Variants in SLC30A9 observed in about 807,000 individuals in gnomAD.
SLC30A9 encodes the protein proton-coupled zinc antiporter SLC30A9, mitochondrial.
SLC30A9 carries 58 observed loss-of-function variants against 87.5 expected under a neutral mutation model. The ratio of observed to expected loss-of-function variants is 0.66; its 90% confidence interval spans 0.54 to 0.82. SLC30A9 has a LOEUF of 0.82. Among genes scored for constraint, SLC30A9 ranks in the 40% least tolerant of loss-of-function variants. SLC30A9 has a pLI of 0.00. For missense variants in SLC30A9, 557 were observed against 679.1 expected, an observed-to-expected ratio of 0.82 and a Z score of 2.00; for synonymous variants, 234 against 233.0, an observed-to-expected ratio of 1.00 and a Z score of -0.04.
chr4:42,056,926 C>T (rs1392716217), intron 9 of SLC30A9, among the ~76,000 whole-genome samples: 1 of 152,144 alleles, frequency 6.6e-6, no homozygotes, highest in Non-Finnish European at 1.5e-5. Flanking sequence ...GGGCTACAGG[C>T]CCCATGCAAG....
chr4:42,061,730 TCTA>T (rs1351272737), intron 10 of SLC30A9, among the ~76,000 whole-genome samples: 1 of 151,046 alleles, frequency 6.6e-6, no homozygotes, highest in African/African-American at 2.4e-5. Flanking sequence ...AAACCCCATC[TCTA>T]CTGACAAAAC....
chr4:42,031,836 T>C (rs1716451492), intron 6 of SLC30A9, among the ~76,000 whole-genome samples: 1 of 152,262 alleles, frequency 6.6e-6, no homozygotes. Context: ...ACCTTCATCA[T>C]GTCCTTTATA....
At chr4:42,009,425 C>G (rs1715350044) in intron 2 of SLC30A9, among the ~76,000 whole-genome samples, 1 of 152,154 alleles carries the variant, frequency 6.6e-6, no homozygotes, top group Non-Finnish European at 1.5e-5. Flanking sequence ...GCTAAGGAAT[C>G]CTTAAGTTTT....
intron 1 of SLC30A9, among the ~76,000 whole-genome samples, chr4:41,991,367 TG>T (rs1277401256): frequency 8.5e-5 from 13 of 152,238 alleles, no homozygotes; most frequent in African/African-American, 3.1e-4. Context: ...AGGTGGCAGT[TG>T]TAGTGGTAAC....
At chr4:42,035,470 G>A (rs1340174757) in intron 7 of SLC30A9, 137 bp downstream of exon 7, 34 of 867,896 alleles carry the variant, frequency 3.9e-5, no homozygotes, top group Non-Finnish European at 5.5e-5. Flanking sequence ...CTGAATTATA[G>A]TCAATTCATT....
chr4:42,016,774 ATGT>A (rs1715739229), intron 2 of SLC30A9, among the ~76,000 whole-genome samples: 1 of 148,872 alleles, frequency 6.7e-6, no homozygotes, highest in Non-Finnish European at 1.5e-5. Flanking sequence ...GCTGTATGAA[ATGT>A]TGTGTGAATA....
intron 7 of SLC30A9, among the ~76,000 whole-genome samples, chr4:42,037,548 C>T (rs56952740): frequency 0.042 from 6,419 of 152,068 alleles, 180 homozygotes; most frequent in African/African-American, 0.058. Flanking sequence ...TGAAATGCAC[C>T]AATAATGCTT....
At chr4:42,037,265 TTTTTTTTTG>T (rs1716718567) in intron 7 of SLC30A9, among the ~76,000 whole-genome samples, 2 of 117,452 alleles carry the variant, frequency 1.7e-5, no homozygotes, top group Admixed American at 8.3e-5. Flanking sequence ...TTTTTTTTTT[TTTTTTTTTG>T]TTATTTCTGA....
intron 17 of SLC30A9, 72 bp downstream of exon 17, chr4:42,078,397 C>T (rs111917238): frequency 5.4e-6 from 4 of 744,100 alleles, no homozygotes; most frequent in Non-Finnish European, 7.0e-6. Context: ...CTACAGCAGA[C>T]ACTAAGTGCA....
intron 7 of SLC30A9, among the ~76,000 whole-genome samples, chr4:42,036,662 G>T (rs772803904): frequency 6.6e-6 from 1 of 152,190 alleles, no homozygotes. Context: ...TTAGACATTG[G>T]CAGTGATGAT....
intron 16 of SLC30A9, among the ~76,000 whole-genome samples, chr4:42,077,314 G>C (rs1718595591): frequency 6.6e-6 from 1 of 152,178 alleles, no homozygotes; most frequent in Non-Finnish European, 1.5e-5. Context: ...TCATTGACCA[G>C]TGGGATTTCC....
chr4:42,068,918 C>G (rs75326216), intron 14 of SLC30A9, among the ~76,000 whole-genome samples: 2,974 of 152,306 alleles, frequency 0.02, 103 homozygotes, highest in African/African-American at 0.068. Context: ...TTCTTCCATA[C>G]TTCTCTATTT....
intron 15 of SLC30A9, among the ~76,000 whole-genome samples, chr4:42,071,159 A>G (rs1362213176): frequency 6.6e-6 from 1 of 152,066 alleles, no homozygotes; most frequent in Admixed American, 6.5e-5. Context: ...TATAATCTTT[A>G]TCTTTTAAAT....
At chr4:41,999,285 T>G (rs1200458385) in intron 1 of SLC30A9, among the ~76,000 whole-genome samples, 1 of 152,218 alleles carries the variant, frequency 6.6e-6, no homozygotes, top group Non-Finnish European at 1.5e-5. Flanking sequence ...GAACTACTTT[T>G]CTGAATAACC....
In SLC30A9 at chr4:42,062,998, A is replaced by G; in HGVS notation, c.909A>G (p.Ser303=). 1 of 1,612,106 alleles carries G rather than the reference A, an allele frequency of 6.2e-7. No homozygotes were observed. The highest frequency in any genetic ancestry group is 8.5e-7 in the Non-Finnish European group (1 of 1,179,054). The change falls in exon 11 of 18, where the codon TCA becomes TCG. Residue 303 remains serine (S), a synonymous_variant. Transcript: ENST00000264451. ...TTCTATTTTTCAGGTACGGATTTTC[A>G]AATATGCGCTATATTTCTTCGCTAA... ...TPDPSHPYGF[S]NMRYISSLIS... is the part of the protein sequence containing the mutation.
At chr4:42,038,960 TA>T (rs758790769) in intron 7 of SLC30A9, 25 bp from the exon 8 acceptor site, 1 of 1,599,688 alleles carries the variant, frequency 6.3e-7, no homozygotes, top group Non-Finnish European at 8.6e-7. Flanking sequence ...TTGGAGGTAT[TA>T]AAAAAAGTTT....
rs1054536661 is a variant in SLC30A9 at position 42,075,188 on chromosome 4, C to G, written c.1419-469C>G. Reference sequence around the variant, plus strand: ...TCCCAGGTTCAAGCAATTCTCCTGTCTCAGCCTCCTGAGTAGCTGGGATTA... The same window carrying G: ...TCCCAGGTTCAAGCAATTCTCCTGTGTCAGCCTCCTGAGTAGCTGGGATTA... On this transcript the variant is annotated intron_variant, in intron 15 of 17. Coordinates refer to ENST00000264451, the MANE Select transcript of SLC30A9 (RefSeq NM_006345.4). Among the ~76,000 whole-genome samples, 43 of 147,606 alleles carry G rather than the reference C, an allele frequency of 2.9e-4. 1 individual carries two copies. The highest frequency in any genetic ancestry group is 3.7e-4 in the Non-Finnish European group (25 of 67,156).
rs368644607 is a variant in SLC30A9 at position 42,089,164 on chromosome 4, C to G, written c.*3038C>G. 1 of 152,228 alleles carries G rather than the reference C, an allele frequency of 6.6e-6. No homozygotes were observed. The allele number at this position is 152,228 out of a possible 1,614,324, so 9.4% of individuals were successfully genotyped here. A position where few individuals can be genotyped will look rare whatever the true frequency, so the allele number is the denominator to read the frequency against. Reference sequence around the variant, plus strand: ...GGCAGTCAAGGGTCCATGATTGATTCCTTCTTGCCCAAAACTAAAATCTAG... The same window carrying G: ...GGCAGTCAAGGGTCCATGATTGATTGCTTCTTGCCCAAAACTAAAATCTAG... On this transcript the variant is annotated 3_prime_UTR_variant, in exon 18 of 18. Coordinates refer to ENST00000264451, the MANE Select transcript of SLC30A9 (RefSeq NM_006345.4).
At chr4:42,079,314 C>G (rs947670381) in intron 17 of SLC30A9, among the ~76,000 whole-genome samples, 2 of 141,704 alleles carry the variant, frequency 1.4e-5, no homozygotes, top group African/African-American at 5.3e-5. Flanking sequence ...TTTTTTTTAA[C>G]TAAGAATCTC....
Sources: gnomAD v4.1 joint callset for allele counts (sites outside exome capture counted in the v4.1 genomes callset) on GRCh38, gnomAD v4.1.1 for gene constraint, MANE v1.5 for transcripts, NCBI Gene and HGNC (gene_info 2026-07-23, HGNC 2026-07-21) for gene names.